SUMF1: variants seen among roughly 807,000 people sequenced by gnomAD.
SUMF1 encodes formylglycine-generating enzyme.
Under a neutral mutation model 47.6 loss-of-function variants are expected in SUMF1, and 48 were observed. The observed-to-expected ratio is 1.01, with a 90% CI of 0.80 to 1.28. The LOEUF is 1.28. Among genes scored for constraint, SUMF1 ranks in the 50% most tolerant of loss-of-function variants. SUMF1 has a pLI of 0.00. For missense variants in SUMF1, 571 were observed against 485.4 expected, an observed-to-expected ratio of 1.18 and a Z score of -1.66; for synonymous variants, 230 against 192.1, an observed-to-expected ratio of 1.20 and a Z score of -1.63.
At chr3:4,198,150 C>G in intron 8 of SUMF1, among the ~76,000 whole-genome samples, 1 of 150,946 alleles carries the variant, frequency 6.6e-6, no homozygotes, top group Admixed American at 6.6e-5. Context: ...GTATGTTTCT[C>G]TCCTATTCCT....
chr3:4,248,661 C>A (rs1373423648), intron 8 of SUMF1, among the ~76,000 whole-genome samples: 1 of 152,164 alleles, frequency 6.6e-6, no homozygotes, highest in Non-Finnish European at 1.5e-5. Context: ...ACTTTAGAAT[C>A]CAAAAGCAAA....
rs78655044 is a variant in SUMF1, at chr3:4,051,490, T to C, written c.1191+17079A>G. 2.2e-3 allele frequency among the ~76,000 whole-genome samples: 336 copies of C among 152,212 alleles called. 1 individual carries two copies. Among genetic ancestry groups the C allele is most frequent in the African/African-American group, 7.3e-3 (304 of 41,546 alleles). On this transcript the variant is annotated intron_variant and NMD_transcript_variant, in intron 9 of 12. Transcript: ENST00000448413. ...AAAGGAAAAAAATCCCCAAATTAAA[T>C]ATTATTGTATTCCCACTCCTACTTA... is the stretch of plus-strand genomic sequence containing the variant.
intron 8 of SUMF1, among the ~76,000 whole-genome samples, chr3:4,249,646 T>C (rs960107361): frequency 7.9e-5 from 12 of 152,128 alleles, no homozygotes; most frequent in Non-Finnish European, 8.8e-5. Context: ...ACAGCAATAT[T>C]GAAATTATGC....
intron 8 of SUMF1, among the ~76,000 whole-genome samples, chr3:4,125,142 GATAGCAT>G (rs1257503431): frequency 6.6e-6 from 1 of 152,034 alleles, no homozygotes; most frequent in African/African-American, 2.4e-5. Flanking sequence ...AAAATTTGTA[GATAGCAT>G]AAAGCTGTGC....
At chr3:4,230,683 C>G (rs1317660275) in intron 8 of SUMF1, among the ~76,000 whole-genome samples, 1 of 152,036 alleles carries the variant, frequency 6.6e-6, no homozygotes, top group Non-Finnish European at 1.5e-5. Context: ...CAATCTTCAG[C>G]CCCTCTCTCT....
downstream of SUMF1, among the ~76,000 whole-genome samples, chr3:4,359,399 T>C (rs1699691981): frequency 6.6e-6 from 1 of 152,180 alleles, no homozygotes; most frequent in African/African-American, 2.4e-5. Flanking sequence ...CACCTCAGCC[T>C]CTCAAGTAGC....
chr3:4,413,884 G>T (rs887057456), intron 6 of SUMF1, among the ~76,000 whole-genome samples: 1 of 151,864 alleles, frequency 6.6e-6, no homozygotes, highest in African/African-American at 2.4e-5. Context: ...TTTTTTTTAA[G>T]ATAGAGTCTC....
downstream of SUMF1, among the ~76,000 whole-genome samples, chr3:4,359,729 G>A (rs574615183): frequency 2.6e-5 from 4 of 152,046 alleles, no homozygotes; most frequent in East Asian, 5.8e-4. Flanking sequence ...AGAGCATGGG[G>A]GTTACTGCCC....
At chr3:4,376,290 C>G (rs1700325683) in intron 8 of SUMF1, 40 bp downstream of exon 8, 1 of 1,611,844 alleles carries the variant, frequency 6.2e-7, no homozygotes, top group East Asian at 2.2e-5. Flanking sequence ...AAACTGCTAT[C>G]AGAACAAGAA....
chr3:4,230,044 T>C (rs753231832), intron 8 of SUMF1, among the ~76,000 whole-genome samples: 33 of 151,848 alleles, frequency 2.2e-4, no homozygotes, highest in Non-Finnish European at 4.0e-4. Flanking sequence ...AAAAAGAAAC[T>C]TCATTTTGTG....
intron 8 of SUMF1, among the ~76,000 whole-genome samples, chr3:4,135,255 C>T (rs1363907512): frequency 1.3e-5 from 2 of 152,084 alleles, no homozygotes; most frequent in Admixed American, 6.6e-5. Flanking sequence ...TCCAGCAGCA[C>T]ATCAAAAAGT....
chr3:4,219,917 C>A (rs1696023716), intron 8 of SUMF1, among the ~76,000 whole-genome samples: 1 of 152,096 alleles, frequency 6.6e-6, no homozygotes, highest in Admixed American at 6.6e-5. Flanking sequence ...AGACTAGAAT[C>A]ACCAAAGGGT....
intron 7 of SUMF1, among the ~76,000 whole-genome samples, chr3:4,386,065 G>T (rs1700663187): frequency 6.6e-6 from 1 of 152,046 alleles, no homozygotes; most frequent in Non-Finnish European, 1.5e-5. Flanking sequence ...TGGGTAGATT[G>T]GTTCCTCTCA....
At chr3:4,380,784 C>G (rs1417129600) in intron 7 of SUMF1, among the ~76,000 whole-genome samples, 2 of 152,152 alleles carry the variant, frequency 1.3e-5, no homozygotes, top group African/African-American at 4.8e-5. Flanking sequence ...TTCTACATAA[C>G]AGTCCCAATA....
chr3:4,278,536 T>C (rs1280916358), intron 8 of SUMF1, among the ~76,000 whole-genome samples: 1 of 152,122 alleles, frequency 6.6e-6, no homozygotes, highest in Non-Finnish European at 1.5e-5. Flanking sequence ...TGCTAAACTT[T>C]TCTAAAAATC....
chr3:4,435,161 A>G (rs1702356667), intron 3 of SUMF1, among the ~76,000 whole-genome samples: 1 of 152,190 alleles, frequency 6.6e-6, no homozygotes, highest in African/African-American at 2.4e-5. Context: ...TCCTAACCTC[A>G]GGTGATCCGC....
intron 8 of SUMF1, among the ~76,000 whole-genome samples, chr3:4,136,954 T>C (rs1693948073): frequency 6.6e-6 from 1 of 152,070 alleles, no homozygotes; most frequent in Non-Finnish European, 1.5e-5. Flanking sequence ...ATGGCGATCA[T>C]TAAAAAGTCA....
At chr3:4,448,039 A>T (rs1162379108) in intron 3 of SUMF1, among the ~76,000 whole-genome samples, 1 of 132,294 alleles carries the variant, frequency 7.6e-6, no homozygotes, top group Non-Finnish European at 1.7e-5. Context: ...AAAGCCCTTT[A>T]AAAAAAAAAG....
intron 8 of SUMF1, among the ~76,000 whole-genome samples, chr3:4,353,316 G>A (rs1328951301): frequency 6.6e-6 from 1 of 152,152 alleles, no homozygotes; most frequent in Non-Finnish European, 1.5e-5. Flanking sequence ...ACAGTGGCGT[G>A]ATCTCCGCTC....
Sources: allele counts gnomAD v4.1 joint callset (sites outside exome capture counted in the v4.1 genomes callset), GRCh38; gene constraint gnomAD v4.1.1; transcripts MANE v1.5; gene names NCBI Gene and HGNC (gene_info 2026-07-23, HGNC 2026-07-21).